Variants in MTRFR observed in about 807,000 individuals in gnomAD.
MTRFR encodes mitochondrial translation release factor in rescue.
Under a neutral mutation model 11.9 loss-of-function variants are expected in MTRFR, and 10 were observed. That is an observed-to-expected ratio of 0.84 (90% CI 0.52 to 1.42). The LOEUF is 1.42. Ranked by LOEUF, MTRFR falls within the 40% of genes most tolerant of loss-of-function variation. The pLI, the probability that MTRFR is intolerant of heterozygous loss-of-function variation, is 0.00. For synonymous variants in MTRFR, 77 were observed against 79.1 expected (o/e 0.97, Z 0.14); for missense variants, 196 against 197.9 (o/e 0.99, Z 0.06).
In MTRFR at chr12:123,253,423, T is replaced by C. The variant is rs540860887; in HGVS notation, c.-28-224T>C. 2.8e-5 allele frequency: 14 copies of C among 500,318 alleles called. No homozygotes were observed. In the Admixed American group the frequency reaches 2.9e-4, roughly 11 times the overall value. 31.0% of individuals were successfully genotyped at this position (500,318 alleles called of 1,614,324 possible). A position where few individuals can be genotyped will look rare whatever the true frequency, so the allele number is the denominator to read the frequency against. ...ATATTTTTGGTCTATTGCAAGAAAA[T>C]ATGTATTAGCTGGCAGGGCATGTCC... is the stretch of plus-strand genomic sequence containing the variant. On this transcript the variant is annotated intron_variant, in intron 1 of 2. Coordinates refer to ENST00000253233, the MANE Select transcript of MTRFR (RefSeq NM_152269.5).
chr12:123,246,898 T>C, intron 1 of MTRFR, among the ~76,000 whole-genome samples: 1 of 151,650 alleles, frequency 6.6e-6, no homozygotes, highest in Non-Finnish European at 1.5e-5. Flanking sequence ...GCCCGGCTAA[T>C]TTTTGTATTT....
At chr12:123,251,089 G>C (rs1474414820) in intron 1 of MTRFR, 7 of 152,190 alleles carry the variant, frequency 4.6e-5, no homozygotes, top group Non-Finnish European at 8.8e-5. Flanking sequence ...TGCCTCTGCT[G>C]AGTCATGCAG....
rs71085872 is a variant in MTRFR at position 123,253,070 on chromosome 12, A to ATTTTTTTTTTTT, written c.-28-551_-28-540dup. Among the ~76,000 whole-genome samples, 2 of 34,842 alleles carry ATTTTTTTTTTTT rather than the reference A, an allele frequency of 5.7e-5. 1 individual carries two copies. Among genetic ancestry groups the ATTTTTTTTTTTT allele is most frequent in the Non-Finnish European group, 1.1e-4 (2 of 18,400 alleles). The allele number at this position is 34,842 out of a possible 152,430, so 22.9% of individuals were successfully genotyped here. ...ATCAAATTACAGTCCGTTCCTTTGA[A>ATTTTTTTTTTTT]TTTTTTTTTTTTTTTTTTTTTTTTT... On this transcript the variant is annotated intron_variant, in intron 1 of 2. Transcript: ENST00000253233.
chr12:123,254,205 G>A lies in MTRFR; in HGVS notation c.282+249G>A. 5.8e-6 allele frequency: 3 copies of A among 518,878 alleles called. No individual in the cohort carries two copies. In the South Asian group the frequency reaches 7.0e-5, roughly 12 times the overall value. The allele number at this position is 518,878 out of a possible 1,614,324, so 32.1% of individuals were successfully genotyped here. A position where few individuals can be genotyped will look rare whatever the true frequency, so the allele number is the denominator to read the frequency against. The stretch of plus-strand genomic sequence containing the variant: ...CAGGATCTTTTGGAGCCAGGGTATG[G>A]CTGCCATCCTTGAATTTGGCAGACA... On this transcript the variant is annotated intron_variant, in intron 2 of 2. Transcript: ENST00000253233.
rs148300353 is a variant in MTRFR, at chr12:123,245,752, T to C, written c.-28-7895T>C. Among the ~76,000 whole-genome samples, 756 of 152,334 alleles carry C rather than the reference T, an allele frequency of 5.0e-3. 8 individuals are homozygous for C. Among genetic ancestry groups the C allele is most frequent in the African/African-American group, 0.017 (723 of 41,564 alleles). On this transcript the variant is annotated intron_variant, in intron 1 of 2. Coordinates refer to ENST00000253233, the MANE Select transcript of MTRFR (RefSeq NM_152269.5). Reference sequence around the variant, plus strand: ...AAAGCTACTGATTTGTGTATGTTAATCTTGTATCCAGAAACTTTGTGAATT... The same window carrying C: ...AAAGCTACTGATTTGTGTATGTTAACCTTGTATCCAGAAACTTTGTGAATT...
intron 1 of MTRFR, chr12:123,249,948 C>T (rs954315746): frequency 2.0e-5 from 3 of 152,358 alleles, no homozygotes; most frequent in African/African-American, 4.8e-5. Flanking sequence ...GGAAGTTTTC[C>T]TCGATTATTC....
At chr12:123,253,537 C>T in intron 1 of MTRFR, 110 bp from the exon 2 acceptor site, 4 of 1,057,702 alleles carry the variant, frequency 3.8e-6, no homozygotes, top group Non-Finnish European at 5.7e-6. Flanking sequence ...CCCTCGGTAA[C>T]AGATGGGTCA....
At chr12:123,246,388 C>A (rs9795522) in intron 1 of MTRFR, among the ~76,000 whole-genome samples, 96,717 of 152,034 alleles carry the variant, frequency 0.64, 35,134 homozygotes, top group East Asian at 0.98. Flanking sequence ...TTTTGACCCA[C>A]TGCTCATTCA....
intron 1 of MTRFR, among the ~76,000 whole-genome samples, chr12:123,236,725 T>C (rs1213601277): frequency 6.6e-6 from 1 of 152,202 alleles, no homozygotes; most frequent in Non-Finnish European, 1.5e-5. Context: ...TTATTCCTGC[T>C]TTTTTAATGT....
upstream of MTRFR, chr12:123,233,068 C>G (rs1344928634): frequency 6.6e-6 from 1 of 152,274 alleles, no homozygotes; most frequent in Non-Finnish European, 1.5e-5. Context: ...GGCTGGTGGC[C>G]GCTTACCTGG....
intron 1 of MTRFR, among the ~76,000 whole-genome samples, chr12:123,240,265 T>C (rs925240472): frequency 2.9e-4 from 44 of 149,682 alleles, no homozygotes; most frequent in Admixed American, 3.3e-4. Context: ...TCCCAGCTAC[T>C]TGGGATGCTG....
rs1324063945 is a variant in MTRFR at position 123,253,811 on chromosome 12, A to G, written c.137A>G (p.Lys46Arg). The change falls in exon 2 of 3, where the codon AAG (lysine) becomes AGG (arginine). Residue 46 changes from lysine to arginine, a missense_variant. Transcript: ENST00000253233. ...IAVTPVQMAG[K>R]KDYPALLSLD... ...GTCACTCCGGTCCAGATGGCAGGCAAGAAGGACTACCCTGCACTGCTTTCC... is the reference window on the plus strand; with the variant it reads ...GTCACTCCGGTCCAGATGGCAGGCAGGAAGGACTACCCTGCACTGCTTTCC... 5 of 1,614,154 alleles carry G rather than the reference A, an allele frequency of 3.1e-6. No homozygotes were observed. The highest frequency in any genetic ancestry group is 1.7e-5 in the Admixed American group (1 of 60,026).
At chr12:123,251,524 C>T (rs929760124) in intron 1 of MTRFR, 1 of 152,328 alleles carries the variant, frequency 6.6e-6, no homozygotes, top group Non-Finnish European at 1.5e-5. Context: ...CTGCTGCTTC[C>T]TCTACCCCTG....
chr12:123,256,802 A>G lies in MTRFR; in HGVS notation c.283-11A>G. 6.2e-6 allele frequency: 10 copies of G among 1,600,038 alleles called. No individual in the cohort carries two copies. The highest frequency in any genetic ancestry group is 8.6e-6 in the Non-Finnish European group (10 of 1,167,290). ...TGTGGTTTTCACATTATAAAATATTATCTCTTACAGTGCCATCAGACAAGA... is the reference window on the plus strand; with the variant it reads ...TGTGGTTTTCACATTATAAAATATTGTCTCTTACAGTGCCATCAGACAAGA... On this transcript the variant is annotated splice_polypyrimidine_tract_variant and intron_variant, in intron 2 of 2. Coordinates refer to ENST00000253233, the MANE Select transcript of MTRFR (RefSeq NM_152269.5).
At chr12:123,238,477 A>G (rs1179400736) in intron 1 of MTRFR, among the ~76,000 whole-genome samples, 2 of 152,056 alleles carry the variant, frequency 1.3e-5, no homozygotes, top group Non-Finnish European at 2.9e-5. Context: ...AATGTCATAT[A>G]AATAAGAAAC....
At chr12:123,244,763 G>T (rs2048009401) in intron 1 of MTRFR, among the ~76,000 whole-genome samples, 1 of 151,838 alleles carries the variant, frequency 6.6e-6, no homozygotes, top group African/African-American at 2.4e-5. Flanking sequence ...CTCCCAAGTA[G>T]CTGGGATTAC....
chr12:123,248,981 T>G (rs1565995612), intron 1 of MTRFR: 1 of 151,006 alleles, frequency 6.6e-6, no homozygotes, highest in Non-Finnish European at 1.5e-5. Context: ...CAGCACTGAT[T>G]GATGTGTTTA....
intron 1 of MTRFR, among the ~76,000 whole-genome samples, chr12:123,253,143 G>T (rs144045151): frequency 0.018 from 2,238 of 125,394 alleles, 28 homozygotes; most frequent in Middle Eastern, 0.12. Context: ...AGGCTGGAGT[G>T]CAGTGGCTCT....
chr12:123,239,983 G>C (rs1000461269), intron 1 of MTRFR, among the ~76,000 whole-genome samples: 2 of 152,116 alleles, frequency 1.3e-5, no homozygotes, highest in African/African-American at 4.8e-5. Flanking sequence ...CAGAATACTA[G>C]CAGCATCCTT....
Sources: allele counts gnomAD v4.1 joint callset (sites outside exome capture counted in the v4.1 genomes callset), GRCh38; gene constraint gnomAD v4.1.1; transcripts MANE v1.5; gene names NCBI Gene and HGNC (gene_info 2026-07-23, HGNC 2026-07-21).